SP140L: variants seen among roughly 807,000 people sequenced by gnomAD.
SP140L encodes the protein SP140 like nuclear body protein.
Under a neutral mutation model 84.3 loss-of-function variants are expected in SP140L, and 64 were observed. That is an observed-to-expected ratio of 0.76 (90% CI 0.62 to 0.94). The LOEUF is 0.94. Ranked by LOEUF, SP140L falls within the 40% of genes least tolerant of loss-of-function variation. The pLI, the probability that SP140L is intolerant of heterozygous loss-of-function variation, is 0.00. For synonymous variants in SP140L, 242 were observed against 236.9 expected, an observed-to-expected ratio of 1.02 and a Z score of -0.20; for missense variants, 628 against 692.5, an observed-to-expected ratio of 0.91 and a Z score of 1.05.
At chr2:230,348,515 A>G (rs2060275488) in intron 2 of SP140L, among the ~76,000 whole-genome samples, 2 of 152,116 alleles carry the variant, frequency 1.3e-5, no homozygotes, top group South Asian at 4.1e-4. Context: ...ATTATCTTCC[A>G]TGTGTCTTTC....
At chr2:230,335,668 G>T (rs549452068) in intron 2 of SP140L, among the ~76,000 whole-genome samples, 40 of 152,170 alleles carry the variant, frequency 2.6e-4, no homozygotes, top group Non-Finnish European at 4.4e-4. Flanking sequence ...ATAATGTAAT[G>T]ATTAAGAGTG....
intron 2 of SP140L, among the ~76,000 whole-genome samples, chr2:230,353,483 A>G (rs529179276): frequency 4.0e-4 from 61 of 152,208 alleles, no homozygotes; most frequent in African/African-American, 1.4e-3. Flanking sequence ...TTGTTTTGCA[A>G]TGCCCATAAA....
intron 7 of SP140L, among the ~76,000 whole-genome samples, chr2:230,381,970 A>G (rs6746096): frequency 0.02 from 2,991 of 152,304 alleles, 39 homozygotes; most frequent in Non-Finnish European, 0.03. Flanking sequence ...GTCAGGGGGA[A>G]GGTGAACAGT....
chr2:230,333,830 C>T (rs777909335), intron 2 of SP140L, among the ~76,000 whole-genome samples: 8 of 151,892 alleles, frequency 5.3e-5, no homozygotes, highest in Non-Finnish European at 5.9e-5. Context: ...TCAGGACCTT[C>T]ATTTCTTCTA....
intron 7 of SP140L, among the ~76,000 whole-genome samples, chr2:230,375,912 A>C (rs2061228299): frequency 6.6e-6 from 1 of 152,050 alleles, no homozygotes; most frequent in Non-Finnish European, 1.5e-5. Context: ...TTTTAGTTTG[A>C]TGCAGTTCCA....
At chr2:230,399,998 A>T in intron 14 of SP140L, 129 bp from the exon 15 acceptor site, 1 of 883,132 alleles carries the variant, frequency 1.1e-6, no homozygotes, top group African/African-American at 1.7e-5. Flanking sequence ...TTTTTCCTTC[A>T]TATCCCAGGG....
chr2:230,345,240 C>G (rs189141474), intron 2 of SP140L, among the ~76,000 whole-genome samples: 86 of 152,204 alleles, frequency 5.7e-4, no homozygotes, highest in Middle Eastern at 3.4e-3. Context: ...CCCCTTTATC[C>G]TTATATATTG....
At chr2:230,332,747 T>G (rs2059761130) in intron 2 of SP140L, among the ~76,000 whole-genome samples, 1 of 152,220 alleles carries the variant, frequency 6.6e-6, no homozygotes, top group Non-Finnish European at 1.5e-5. Flanking sequence ...TCTAAAATTC[T>G]TCTCAGGACA....
chr2:230,360,592 A>C (rs1198861823), intron 4 of SP140L, among the ~76,000 whole-genome samples: 2 of 152,238 alleles, frequency 1.3e-5, no homozygotes, highest in Non-Finnish European at 2.9e-5. Flanking sequence ...TGAAGGGAAT[A>C]GTGTTACATT....
At chr2:230,393,931 A>G (rs1254877578) in intron 13 of SP140L, among the ~76,000 whole-genome samples, 1 of 152,230 alleles carries the variant, frequency 6.6e-6, no homozygotes, top group Admixed American at 6.5e-5. Flanking sequence ...ATGAAACCAT[A>G]TATCATTTCA....
chr2:230,377,740 G>T (rs1158070759), intron 7 of SP140L, among the ~76,000 whole-genome samples: 5 of 152,100 alleles, frequency 3.3e-5, no homozygotes, highest in Non-Finnish European at 5.9e-5. Flanking sequence ...AAATGATTAT[G>T]CCCTCTTGCA....
intron 5 of SP140L, among the ~76,000 whole-genome samples, chr2:230,366,953 G>C (rs1290756153): frequency 6.6e-6 from 1 of 151,648 alleles, no homozygotes; most frequent in Non-Finnish European, 1.5e-5. Context: ...GGCTGGTCTC[G>C]AACTCCTGAG....
At chr2:230,393,540 C>G in intron 13 of SP140L, 79 bp downstream of exon 13, 1 of 1,424,904 alleles carries the variant, frequency 7.0e-7, no homozygotes. Context: ...TATGGAGTCT[C>G]CAATTGGGTA....
intron 14 of SP140L, among the ~76,000 whole-genome samples, chr2:230,397,481 A>G (rs2062103628): frequency 6.6e-6 from 1 of 152,166 alleles, no homozygotes; most frequent in Non-Finnish European, 1.5e-5. Flanking sequence ...GTACTATGCA[A>G]ACTTTCTGAT....
chr2:230,376,008 CT>C (rs2061230453), intron 7 of SP140L, among the ~76,000 whole-genome samples: 1 of 152,052 alleles, frequency 6.6e-6, no homozygotes, highest in South Asian at 2.1e-4. Context: ...GAGTTTTTCC[CT>C]GTTTTCTTCT....
chr2:230,342,730 A>T (rs566564157), intron 2 of SP140L, among the ~76,000 whole-genome samples: 19 of 152,158 alleles, frequency 1.2e-4, no homozygotes, highest in Non-Finnish European at 2.5e-4. Context: ...CTGTGTTATT[A>T]GTTGTAATCT....
In SP140L at chr2:230,385,103, T is replaced by C. The variant is rs1024263217; in HGVS notation, c.704-121T>C. 22 of 866,358 alleles carry C rather than the reference T, an allele frequency of 2.5e-5. No individual in the cohort carries two copies. The African/African-American group carries it at 3.7e-4, about 15-fold the overall frequency. The allele number at this position is 866,358 out of a possible 1,614,324, so 53.7% of individuals were successfully genotyped here. A position where few individuals can be genotyped will look rare whatever the true frequency, so the allele number is the denominator to read the frequency against. On this transcript the variant is annotated intron_variant, in intron 8 of 18. Transcript: ENST00000415673. ...ACACTCCCCAAAGCAGAAAATGCTC[T>C]GGACACCTGCTCGAGGGGATCCAGA...
chr2:230,362,142 A>G (rs1241958945), intron 5 of SP140L, among the ~76,000 whole-genome samples: 1 of 152,136 alleles, frequency 6.6e-6, no homozygotes, highest in Non-Finnish European at 1.5e-5. Context: ...AAACATGTGG[A>G]GAACCTCCCC....
At chr2:230,385,693 T>C (rs1575524730) in intron 9 of SP140L, among the ~76,000 whole-genome samples, 1 of 152,228 alleles carries the variant, frequency 6.6e-6, no homozygotes, top group Non-Finnish European at 1.5e-5. Context: ...ATCGCTTTCC[T>C]GTTCCCTTTT....
Sources: gnomAD v4.1 joint callset for allele counts (sites outside exome capture counted in the v4.1 genomes callset) on GRCh38, gnomAD v4.1.1 for gene constraint, MANE v1.5 for transcripts, NCBI Gene and HGNC (gene_info 2026-07-23, HGNC 2026-07-21) for gene names.